CTNNA3: variants seen among roughly 807,000 people sequenced by gnomAD.
CTNNA3 encodes catenin alpha-3.
CTNNA3 carries 76 observed loss-of-function variants against 95.7 expected under a neutral mutation model. The ratio of observed to expected loss-of-function variants is 0.79; its 90% CI spans 0.66 to 0.96. The LOEUF (loss-of-function observed/expected upper bound fraction) is 0.96, where lower values mean the gene tolerates loss of function less well. CTNNA3 is among the 40% of genes least tolerant of loss of function. CTNNA3 has a pLI of 0.00. For synonymous variants in CTNNA3, 431 were observed against 374.4 expected (o/e 1.15, Z -1.74); for missense variants, 1,191 against 1,089.8 (o/e 1.09, Z -1.31).
chr10:67,553,008 C>T (rs1442978471), intron 3 of CTNNA3, among the ~76,000 whole-genome samples: 1 of 152,062 alleles, frequency 6.6e-6, no homozygotes, highest in East Asian at 1.9e-4. Context: ...CAATCTCTTT[C>T]ATTGCCAGAA....
intron 7 of CTNNA3, among the ~76,000 whole-genome samples, chr10:67,143,935 A>G (rs1417146006): frequency 6.6e-6 from 1 of 152,252 alleles, no homozygotes; most frequent in Non-Finnish European, 1.5e-5. Context: ...TTTTCAATTT[A>G]CTTTGCCCAG....
intron 9 of CTNNA3, among the ~76,000 whole-genome samples, chr10:66,748,473 A>G (rs1018525871): frequency 3.9e-5 from 6 of 152,146 alleles, no homozygotes. Flanking sequence ...TGCAGCTCCT[A>G]TATAATTAAT....
intron 1 of CTNNA3, among the ~76,000 whole-genome samples, chr10:67,756,205 C>T (rs1234839934): frequency 6.6e-6 from 1 of 152,086 alleles, no homozygotes. Context: ...TTAACGGGTA[C>T]ATATTTACAC....
chr10:67,287,303 A>C (rs531794761), intron 5 of CTNNA3, among the ~76,000 whole-genome samples: 1 of 152,156 alleles, frequency 6.6e-6, no homozygotes, highest in African/African-American at 2.4e-5. Flanking sequence ...CCACCACTGC[A>C]CTCCAGCCTG....
intron 3 of CTNNA3, among the ~76,000 whole-genome samples, chr10:67,603,135 C>G (rs1364942172): frequency 6.6e-6 from 1 of 152,130 alleles, no homozygotes; most frequent in Admixed American, 6.6e-5. Flanking sequence ...TGTAAGGACA[C>G]AGAAGACAGT....
Position 65,917,162 on chromosome 10 carries a change from A to G in CTNNA3, c.*3168T>C, listed in dbSNP as rs1456649842. ...CTTATGTTAAAAGATTTCAAAGGCC[A>G]GAAGGCACACTTGTGAATGTGAAGG... On this transcript the variant is annotated 3_prime_UTR_variant, in exon 18 of 18. Coordinates refer to ENST00000433211, the MANE Select transcript of CTNNA3 (RefSeq NM_013266.4). The G allele has an allele frequency of 2.0e-5, 3 of 152,202 alleles. No individual in the cohort carries two copies. Among genetic ancestry groups the G allele is most frequent in the African/African-American group, 7.2e-5 (3 of 41,450 alleles). The allele number at this position is 152,202 out of a possible 1,614,324, so 9.4% of individuals were successfully genotyped here. A position where few individuals can be genotyped will look rare whatever the true frequency, so the allele number is the denominator to read the frequency against.
chr10:66,716,274 C>T (rs1457873142), intron 9 of CTNNA3, among the ~76,000 whole-genome samples: 1 of 152,134 alleles, frequency 6.6e-6, no homozygotes, highest in Non-Finnish European at 1.5e-5. Flanking sequence ...GGATGTTCAG[C>T]TCTACCCAGG....
chr10:66,105,156 C>A (rs1373341939), intron 13 of CTNNA3, among the ~76,000 whole-genome samples: 2 of 152,178 alleles, frequency 1.3e-5, no homozygotes, highest in East Asian at 3.9e-4. Flanking sequence ...CCGTGTTGAT[C>A]TCTTTGCAAT....
intron 5 of CTNNA3, among the ~76,000 whole-genome samples, chr10:67,249,861 G>T (rs929719458): frequency 6.6e-6 from 1 of 152,114 alleles, no homozygotes; most frequent in African/African-American, 2.4e-5. Flanking sequence ...ACATCTTTAG[G>T]ATGTGGGAGA....
At chr10:66,905,418 T>C (rs1309406581) in intron 7 of CTNNA3, among the ~76,000 whole-genome samples, 1 of 152,128 alleles carries the variant, frequency 6.6e-6, no homozygotes, top group East Asian at 1.9e-4. Flanking sequence ...ATACCGAATG[T>C]AAATGACGAG....
At chr10:66,313,110 A>T (rs1186706083) in intron 12 of CTNNA3, among the ~76,000 whole-genome samples, 2 of 152,130 alleles carry the variant, frequency 1.3e-5, no homozygotes, top group African/African-American at 4.8e-5. Flanking sequence ...AAATAATAAA[A>T]CCTATCATTT....
intron 5 of CTNNA3, among the ~76,000 whole-genome samples, chr10:67,453,659 T>C (rs1007395431): frequency 1.3e-5 from 2 of 152,200 alleles, no homozygotes; most frequent in African/African-American, 4.8e-5. Context: ...AGAGCAAGCT[T>C]CATTAATAAA....
intron 17 of CTNNA3, among the ~76,000 whole-genome samples, chr10:65,940,128 A>G (rs889630412): frequency 4.6e-5 from 7 of 152,170 alleles, no homozygotes. Flanking sequence ...CATAAAGAGC[A>G]TTTCTGAATC....
chr10:66,770,930 T>C (rs7905894), intron 8 of CTNNA3, among the ~76,000 whole-genome samples: 129,243 of 152,040 alleles, frequency 0.85, 55,229 homozygotes, highest in East Asian at 1. Context: ...ATGTGATTTT[T>C]AAAGCTTGGA....
At chr10:67,097,764 C>T (rs957367602) in intron 7 of CTNNA3, 46 of 1,612,184 alleles carry the variant, frequency 2.9e-5, no homozygotes, top group Middle Eastern at 1.6e-4. Flanking sequence ...AACAGCTGGC[C>T]GAATCAGTGA....
chr10:66,206,527 A>G (rs2087765162), intron 13 of CTNNA3, among the ~76,000 whole-genome samples: 1 of 151,978 alleles, frequency 6.6e-6, no homozygotes, highest in Admixed American at 6.6e-5. Flanking sequence ...GGACTCAGAG[A>G]AGATGAAGCT....
At chr10:66,813,559 A>C (rs1326333785) in intron 7 of CTNNA3, among the ~76,000 whole-genome samples, 5 of 152,190 alleles carry the variant, frequency 3.3e-5, no homozygotes, top group Non-Finnish European at 5.9e-5. Flanking sequence ...ATATGTAATT[A>C]TTTAATAAAT....
chr10:66,193,656 C>G (rs1299084964), intron 13 of CTNNA3, among the ~76,000 whole-genome samples: 1 of 152,082 alleles, frequency 6.6e-6, no homozygotes, highest in Non-Finnish European at 1.5e-5. Context: ...ATAGAGGCTT[C>G]CCAAAATAAT....
At chr10:67,364,156 C>T (rs1427382386) in intron 5 of CTNNA3, among the ~76,000 whole-genome samples, 7 of 152,154 alleles carry the variant, frequency 4.6e-5, no homozygotes, top group African/African-American at 1.7e-4. Context: ...CTCTGGGATG[C>T]AAGGCTGGTT....
Sources: allele counts gnomAD v4.1 joint callset (sites outside exome capture counted in the v4.1 genomes callset), GRCh38; gene constraint gnomAD v4.1.1; transcripts MANE v1.5; gene names NCBI Gene and HGNC (gene_info 2026-07-23, HGNC 2026-07-21).